ABR: variants seen among roughly 807,000 people sequenced by gnomAD.
The protein encoded by ABR is ABR activator of RhoGEF and GTPase.
A neutral mutation model predicts 107.2 loss-of-function variants in ABR; 35 were observed. The observed-to-expected ratio is 0.33, with a 90% CI of 0.25 to 0.43. The LOEUF (loss-of-function observed/expected upper bound fraction) is 0.43, where lower values mean the gene tolerates loss of function less well. ABR is among the 20% of genes least tolerant of loss of function. The pLI, the probability that ABR is intolerant of heterozygous loss-of-function variation, is 1.00. For missense variants in ABR, 815 were observed against 1,115.2 expected (o/e 0.73, Z 3.83); for synonymous variants, 498 against 462.0 (o/e 1.08, Z -1.00).
chr17:1,171,084 A>C (rs73975664), intron 1 of ABR, among the ~76,000 whole-genome samples: 2,845 of 152,266 alleles, frequency 0.019, 86 homozygotes, highest in African/African-American at 0.065. Context: ...TCCAAGGGAG[A>C]GACTCCCTCA....
At position 1,078,788 on chromosome 17, in the gene ABR, C is replaced by A; in HGVS notation, c.700+542G>T. ...CCCCCAGAGGTGGGAGGGTCCGCCA[C>A]CTCCCACAGCGAGCACCTGGGTTAC... On this transcript the variant is annotated intron_variant, in intron 6 of 22. Transcript: ENST00000302538. This position sits in a 1 kb window ranked among gnomAD's most constrained non-coding sequence, Gnocchi z 7.5. The A allele has an allele frequency of 6.5e-7, 1 of 1,534,932 alleles. No individual in the cohort carries two copies. The highest frequency in any genetic ancestry group is 8.7e-7 in the Non-Finnish European group (1 of 1,146,374).
chr17:1,083,410 A>G (rs1013037196), intron 5 of ABR, 110 bp downstream of exon 5: 4 of 686,884 alleles, frequency 5.8e-6, no homozygotes, highest in Non-Finnish European at 1.0e-5. Context: ...AGTGTTACCC[A>G]TTAGAGTAAC....
Position 1,174,064 on chromosome 17 carries a change from A to G in ABR, c.61+5603T>C, listed in dbSNP as rs548634224. On this transcript the variant is annotated intron_variant, in intron 1 of 22. Transcript: ENST00000302538. ...ACCTCAGACAGAGAACAAGTCTTCC[A>G]TCCTACTCGCAAGAGTGAGGCAGAG... is the stretch of plus-strand genomic sequence containing the variant. Among the ~76,000 whole-genome samples, 13 of 152,352 alleles carry G rather than the reference A, an allele frequency of 8.5e-5. No homozygotes were observed. The South Asian group carries it at 2.3e-3, about 27-fold the overall frequency.
intron 1 of ABR, among the ~76,000 whole-genome samples, chr17:1,151,902 C>T (rs188461245): frequency 6.6e-6 from 1 of 151,968 alleles, no homozygotes; most frequent in East Asian, 2.0e-4. Flanking sequence ...CGCCTGTAGT[C>T]CCAGCACTTT....
chr17:1,045,054 G>A (rs2031348745), intron 16 of ABR, among the ~76,000 whole-genome samples: 1 of 152,206 alleles, frequency 6.6e-6, no homozygotes, highest in Non-Finnish European at 1.5e-5. Flanking sequence ...AACAGGCCCT[G>A]ATTAAATCTA....
intron 1 of ABR, among the ~76,000 whole-genome samples, chr17:1,204,357 A>G (rs1448147776): frequency 6.6e-6 from 1 of 152,224 alleles, no homozygotes; most frequent in Non-Finnish European, 1.5e-5. Flanking sequence ...AGGCAGGAGA[A>G]TCGCTTGAAC....
At chr17:1,145,674 C>G (rs1019584693) in intron 1 of ABR, among the ~76,000 whole-genome samples, 1 of 152,222 alleles carries the variant, frequency 6.6e-6, no homozygotes, top group African/African-American at 2.4e-5. Flanking sequence ...AGAGAACAGA[C>G]AAGTAATGCC....
intron 1 of ABR, among the ~76,000 whole-genome samples, chr17:1,138,244 A>G (rs1477867349): frequency 6.6e-6 from 1 of 151,954 alleles, no homozygotes; most frequent in Non-Finnish European, 1.5e-5. Flanking sequence ...AAGCTCAAGA[A>G]CAGGCGAAAC....
At chr17:1,131,133 CCCT>C (rs2039809764) in intron 1 of ABR, among the ~76,000 whole-genome samples, 2 of 136,418 alleles carry the variant, frequency 1.5e-5, no homozygotes, top group African/African-American at 5.9e-5. Context: ...CACAGCTCCC[CCCT>C]CTTTGCACAC....
chr17:1,006,167 G>A lies in ABR; in HGVS notation c.2493C>T (p.Val831=), dbSNP rs62068292. The change falls in exon 23 of 23, where the codon GTC becomes GTT. Residue 831 remains valine (V), a splice_region_variant and synonymous_variant. Coordinates refer to ENST00000302538, the MANE Select transcript of ABR (RefSeq NM_021962.5). Reference sequence around the variant, plus strand: ...GCTGCAGGTAGTAGAGGAGGACCTGGACCTGTGGGGAGACAGGAAGGCGGA... The same window carrying A: ...GCTGCAGGTAGTAGAGGAGGACCTGAACCTGTGGGGAGACAGGAAGGCGGA... The part of the protein sequence containing the change: ...DIWSHDVMAQ[V]QVLLYYLQHP... 1.3e-6 allele frequency: 2 copies of A among 1,574,888 alleles called. No individual in the cohort carries two copies. Among genetic ancestry groups the A allele is most frequent in the Middle Eastern group, 1.7e-4 (1 of 6,022 alleles).
intron 10 of ABR, among the ~76,000 whole-genome samples, chr17:1,063,024 A>G (rs2034223590): frequency 7.3e-6 from 1 of 137,572 alleles, no homozygotes; most frequent in African/African-American, 2.6e-5. Flanking sequence ...ACTGAGGGCT[A>G]TGCATGTTCC....
At chr17:1,204,068 A>T (rs1346712181) in intron 1 of ABR, among the ~76,000 whole-genome samples, 2 of 152,150 alleles carry the variant, frequency 1.3e-5, no homozygotes, top group African/African-American at 2.4e-5. Context: ...CCTCTCCCTC[A>T]TCTCGGCCTG....
intron 1 of ABR, among the ~76,000 whole-genome samples, chr17:1,222,520 T>C (rs1017181372): frequency 2.6e-5 from 4 of 152,200 alleles, no homozygotes; most frequent in African/African-American, 9.7e-5. Flanking sequence ...CATTAGTCAC[T>C]GATGGGAAGG....
Position 1,070,166 on chromosome 17 carries a change from G to A in ABR, c.895-76C>T, listed in dbSNP as rs2035110593. On this transcript the variant is annotated intron_variant, in intron 8 of 22. Coordinates refer to ENST00000302538, the MANE Select transcript of ABR (RefSeq NM_021962.5). This position sits in a 1 kb window ranked among gnomAD's most constrained non-coding sequence, Gnocchi z 4.2. ...GGGCAGAGCCTGCACACGGGGGCACGGCCAGCCAGGGAGGACTGGACCGAG... is the reference window on the plus strand; with the variant it reads ...GGGCAGAGCCTGCACACGGGGGCACAGCCAGCCAGGGAGGACTGGACCGAG... 1.3e-5 allele frequency: 20 copies of A among 1,578,900 alleles called. No individual in the cohort carries two copies. Among genetic ancestry groups the A allele is most frequent in the Non-Finnish European group, 1.7e-5 (20 of 1,158,472 alleles).
chr17:1,031,940 C>T lies in ABR; in HGVS notation c.1791+18110G>A, dbSNP rs898528512. 4.1e-5 allele frequency: 36 copies of T among 878,948 alleles called. No homozygotes were observed. The African/African-American group carries it at 6.4e-4, about 16-fold the overall frequency. 54.4% of individuals were successfully genotyped at this position (878,948 alleles called of 1,614,324 possible). On this transcript the variant is annotated intron_variant, in intron 16 of 22. Transcript: ENST00000302538. ...CCTCCCTCCTCCGCATCCCTCCTTC[C>T]CCGCCCTCCGCGAGGCTGCAGCCCA...
intron 1 of ABR, among the ~76,000 whole-genome samples, chr17:1,172,011 C>T (rs1158145309): frequency 6.6e-6 from 1 of 152,226 alleles, no homozygotes; most frequent in Non-Finnish European, 1.5e-5. Context: ...GCTCTATCTA[C>T]TGAAGCCCAG....
chr17:1,169,901 G>T (rs1164187367), intron 1 of ABR, among the ~76,000 whole-genome samples: 1 of 151,834 alleles, frequency 6.6e-6, no homozygotes, highest in Non-Finnish European at 1.5e-5. Context: ...ACTGGGCACT[G>T]GCCCTGCTCC....
chr17:1,124,459 C>G (rs2151447978), intron 2 of ABR, among the ~76,000 whole-genome samples: 1 of 152,364 alleles, frequency 6.6e-6, no homozygotes, highest in South Asian at 2.1e-4. Context: ...CAAACAACCC[C>G]CAGAACCTCT....
chr17:1,113,902 T>G (rs2038856529), intron 2 of ABR, among the ~76,000 whole-genome samples: 1 of 152,174 alleles, frequency 6.6e-6, no homozygotes, highest in Admixed American at 6.5e-5. Context: ...GTGCAGTGGC[T>G]TACGCCTGAA....
Sources: allele counts gnomAD v4.1 joint callset (sites outside exome capture counted in the v4.1 genomes callset), GRCh38; gene constraint gnomAD v4.1.1; non-coding constraint Gnocchi (gnomAD v3.1); transcripts MANE v1.5; gene names NCBI Gene and HGNC (gene_info 2026-07-23, HGNC 2026-07-21).